The following RABGAP1L variants were observed in gnomAD, a reference collection of about 807,000 sequenced individuals.
RABGAP1L encodes RAB GTPase activating protein 1 like.
Under a neutral mutation model 137.7 loss-of-function variants are expected in RABGAP1L, and 63 were observed. The observed-to-expected ratio is 0.46, with a 90% CI of 0.37 to 0.56. The LOEUF (loss-of-function observed/expected upper bound fraction) is 0.56, where lower values mean the gene tolerates loss of function less well. RABGAP1L is among the 20% of genes least tolerant of loss of function. The pLI is 0.00. For missense variants in RABGAP1L, 1,095 were observed against 1,244.0 expected (o/e 0.88, Z 1.80); for synonymous variants, 431 against 433.7 (o/e 0.99, Z 0.08).
chr1:174,629,874 G>C (rs1673210048), intron 13 of RABGAP1L, among the ~76,000 whole-genome samples: 1 of 152,070 alleles, frequency 6.6e-6, no homozygotes, highest in South Asian at 2.1e-4. Flanking sequence ...ATTTGATTTT[G>C]TCCTTTATTT....
intron 11 of RABGAP1L, among the ~76,000 whole-genome samples, chr1:174,345,002 A>G (rs1019242824): frequency 8.5e-5 from 13 of 152,114 alleles, no homozygotes; most frequent in Admixed American, 3.9e-4. Flanking sequence ...CCCTCTGCAT[A>G]TGGATATTCA....
At chr1:174,796,000 C>T (rs904480452) in intron 18 of RABGAP1L, among the ~76,000 whole-genome samples, 1 of 152,180 alleles carries the variant, frequency 6.6e-6, no homozygotes, top group African/African-American at 2.4e-5. Flanking sequence ...TTGTCTCAGA[C>T]TTATTTGCAG....
rs1053319143 is a variant in RABGAP1L at position 174,702,247 on chromosome 1, G to T, written c.2160G>T (p.Leu720=). Residue 720 remains leucine (L), a synonymous_variant, in exon 17 of 26, where the codon CTG becomes CTT. Transcript: ENST00000681986. ...TGGTGTTCCACATCATTGACTTACTGCTTTGTGAGGTAGAGTGACTCCCAT... is the reference window on the plus strand; with the variant it reads ...TGGTGTTCCACATCATTGACTTACTTCTTTGTGAGGTAGAGTGACTCCCAT... ...LCMVFHIIDL[L]LCEGLNIIFH... is the part of the protein sequence containing the mutation. 2 of 1,604,856 alleles carry T rather than the reference G, an allele frequency of 1.2e-6. No individual in the cohort carries two copies. The highest frequency in any genetic ancestry group is 1.7e-5 in the Admixed American group (1 of 58,378).
chr1:174,267,936 C>T (rs146281311), intron 7 of RABGAP1L, among the ~76,000 whole-genome samples: 1,614 of 152,226 alleles, frequency 0.011, 22 homozygotes, highest in African/African-American at 0.036. Flanking sequence ...TGGTTCCACA[C>T]CACTGTACAT....
Position 174,275,905 on chromosome 1 carries a change from TTTC to T in RABGAP1L, c.1128_1130del (p.Phe376del). On this transcript the variant is annotated inframe_deletion, in exon 9 of 26. Coordinates refer to ENST00000681986, the MANE Select transcript of RABGAP1L (RefSeq NM_001366446.1). ...CATGTGGAACCCCAATGCACCAGTA[TTTC>T]TGGCACTTAACGAGGAAACCCCAAA... 2.5e-6 allele frequency: 4 copies of T among 1,612,812 alleles called. No homozygotes were observed. Among genetic ancestry groups the T allele is most frequent in the Non-Finnish European group, 3.4e-6 (4 of 1,179,148 alleles).
At chr1:174,643,967 T>C (rs1220106131) in intron 14 of RABGAP1L, among the ~76,000 whole-genome samples, 1 of 149,368 alleles carries the variant, frequency 6.7e-6, no homozygotes, top group Non-Finnish European at 1.5e-5. Flanking sequence ...GTATGTATGT[T>C]TGGGGTTAAT....
chr1:174,654,160 G>A (rs1675784348), intron 14 of RABGAP1L, among the ~76,000 whole-genome samples: 1 of 152,142 alleles, frequency 6.6e-6, no homozygotes, highest in African/African-American at 2.4e-5. Flanking sequence ...TACTAATTAG[G>A]TCCCATTTCC....
chr1:174,980,126 C>T (rs1670963047), intron 23 of RABGAP1L, among the ~76,000 whole-genome samples: 2 of 151,988 alleles, frequency 1.3e-5, no homozygotes. Flanking sequence ...TATACAAATG[C>T]TTTATAAATA....
chr1:174,501,317 G>A (rs1048396980), intron 13 of RABGAP1L, among the ~76,000 whole-genome samples: 2 of 151,368 alleles, frequency 1.3e-5, no homozygotes, highest in African/African-American at 4.9e-5. Context: ...GGGTTCAAGC[G>A]ATTCTGCTGC....
At chr1:174,361,044 C>T (rs535658197) in intron 11 of RABGAP1L, among the ~76,000 whole-genome samples, 53 of 152,170 alleles carry the variant, frequency 3.5e-4, no homozygotes, top group Non-Finnish European at 7.4e-4. Context: ...GTAGTCCCAG[C>T]TACTCGGGAG....
At chr1:174,838,544 G>C (rs1233155480) in intron 19 of RABGAP1L, among the ~76,000 whole-genome samples, 2 of 152,174 alleles carry the variant, frequency 1.3e-5, no homozygotes, top group Non-Finnish European at 2.9e-5. Context: ...GGACTGATCA[G>C]ATGTTCTTTC....
chr1:174,557,858 C>T (rs1294173201), intron 13 of RABGAP1L, among the ~76,000 whole-genome samples: 6 of 152,194 alleles, frequency 3.9e-5, no homozygotes, highest in Admixed American at 6.5e-5. Flanking sequence ...AAAGATGATG[C>T]GGCCATGGAA....
At position 174,884,701 on chromosome 1, in the gene RABGAP1L, G is replaced by A. The variant is rs1223785882; in HGVS notation, c.2340+72741G>A. On this transcript the variant is annotated intron_variant, in intron 19 of 25. Transcript: ENST00000681986. ...GCAAAGTGTGTTCCTTTAAATGCAAGGGCAGTTCATCTAGGCAACAGAGCT... is the reference window on the plus strand; with the variant it reads ...GCAAAGTGTGTTCCTTTAAATGCAAAGGCAGTTCATCTAGGCAACAGAGCT... 2.6e-5 allele frequency among the ~76,000 whole-genome samples: 4 copies of A among 152,202 alleles called. No individual in the cohort carries two copies. The East Asian group carries it at 7.7e-4, about 29-fold the overall frequency.
chr1:174,587,479 A>G (rs948680414), intron 13 of RABGAP1L, among the ~76,000 whole-genome samples: 4 of 151,460 alleles, frequency 2.6e-5, no homozygotes, highest in African/African-American at 9.7e-5. Flanking sequence ...AAAATAAAAT[A>G]TAAAAGTACA....
intron 19 of RABGAP1L, chr1:174,922,534 A>C (rs7516410): frequency 0.2 from 29,913 of 152,162 alleles, 3,372 homozygotes; most frequent in Admixed American, 0.24. Context: ...CTCTCGCAGC[A>C]CTGTTTTCTC....
intron 13 of RABGAP1L, among the ~76,000 whole-genome samples, chr1:174,434,941 G>T (rs1014013346): frequency 1.3e-5 from 2 of 152,102 alleles, no homozygotes; most frequent in African/African-American, 4.8e-5. Flanking sequence ...TCTTAATGAT[G>T]TCTTTTGCTA....
intron 13 of RABGAP1L, among the ~76,000 whole-genome samples, chr1:174,466,983 T>C (rs952775981): frequency 1.3e-5 from 2 of 152,238 alleles, no homozygotes; most frequent in Non-Finnish European, 2.9e-5. Context: ...TCCCTCACAA[T>C]GTCTGGCATA....
At chr1:174,882,878 T>G (rs1573649008) in intron 19 of RABGAP1L, among the ~76,000 whole-genome samples, 8 of 151,574 alleles carry the variant, frequency 5.3e-5, no homozygotes. Flanking sequence ...CAGGCTGGAG[T>G]GCAGTGGCTT....
At chr1:174,787,731 G>A (rs1313600561) in intron 18 of RABGAP1L, among the ~76,000 whole-genome samples, 2 of 152,098 alleles carry the variant, frequency 1.3e-5, no homozygotes, top group African/African-American at 2.4e-5. Flanking sequence ...ATTTGGAGGC[G>A]AAAAGACTGA....
Sources: allele counts gnomAD v4.1 joint callset (sites outside exome capture counted in the v4.1 genomes callset), GRCh38; gene constraint gnomAD v4.1.1; transcripts MANE v1.5; gene names NCBI Gene and HGNC (gene_info 2026-07-23, HGNC 2026-07-21).